SRSF12: variants seen among roughly 807,000 people sequenced by gnomAD.
The protein encoded by SRSF12 is serine/arginine-rich splicing factor 12.
Under a neutral mutation model 34.1 loss-of-function variants are expected in SRSF12, and 21 were observed. The observed-to-expected ratio is 0.62, with a 90% CI of 0.44 to 0.89. The LOEUF (loss-of-function observed/expected upper bound fraction) is 0.89, where lower values mean the gene tolerates loss of function less well. Among genes scored for constraint, SRSF12 ranks in the 40% least tolerant of loss-of-function variants. The pLI, the probability that SRSF12 is intolerant of heterozygous loss-of-function variation, is 0.00. For missense variants in SRSF12, 278 were observed against 327.8 expected (o/e 0.85, Z 1.17); for synonymous variants, 111 against 110.8 (o/e 1.00, Z -0.01).
At chr6:89,108,675 A>T (rs928197284) in intron 1 of SRSF12, among the ~76,000 whole-genome samples, 1 of 152,224 alleles carries the variant, frequency 6.6e-6, no homozygotes, top group African/African-American at 2.4e-5. Context: ...AGCTAGATCA[A>T]GGAGGAAGAA....
chr6:89,115,528 G>C (rs11961427), intron 1 of SRSF12, among the ~76,000 whole-genome samples: 9,548 of 150,380 alleles, frequency 0.063, 873 homozygotes, highest in African/African-American at 0.2. Context: ...GTGATCCGCC[G>C]AACTCGGTCT....
At chr6:89,108,823 A>G (rs1434626467) in intron 1 of SRSF12, among the ~76,000 whole-genome samples, 3 of 152,224 alleles carry the variant, frequency 2.0e-5, no homozygotes, top group Non-Finnish European at 4.4e-5. Flanking sequence ...TAATTATTAG[A>G]AGCCAGTGAC....
At chr6:89,117,756 T>C in intron 1 of SRSF12, 67 bp downstream of exon 1, 1 of 1,466,292 alleles carries the variant, frequency 6.8e-7, no homozygotes, top group South Asian at 1.3e-5. Context: ...GCCTCGGCCG[T>C]GCTCCGCGGC....
intron 1 of SRSF12, among the ~76,000 whole-genome samples, chr6:89,112,211 C>T (rs927312035): frequency 3.3e-5 from 5 of 152,072 alleles, no homozygotes; most frequent in South Asian, 4.2e-4. Context: ...CCACCTCTCC[C>T]GGCCTAAAAC....
chr6:89,109,936 A>G (rs1768966681), intron 1 of SRSF12, among the ~76,000 whole-genome samples: 1 of 152,054 alleles, frequency 6.6e-6, no homozygotes. Flanking sequence ...CTAAAAATAC[A>G]AAAAATTAAC....
In SRSF12 at chr6:89,097,002, A is replaced by G. The variant is rs1006037364; in HGVS notation, c.*1576T>C. The G allele has an allele frequency of 1.3e-5, 2 of 152,232 alleles. No homozygotes were observed. The highest frequency in any genetic ancestry group is 2.9e-5 in the Non-Finnish European group (2 of 68,040). 9.4% of individuals were successfully genotyped at this position (152,232 alleles called of 1,614,324 possible). A position where few individuals can be genotyped will look rare whatever the true frequency, so the allele number is the denominator to read the frequency against. Reference sequence around the variant, plus strand: ...GAAATAAATTTTGCTATGATTAGAGAAAATCTATTCAGAAAGTACAATATA... The same window carrying G: ...GAAATAAATTTTGCTATGATTAGAGGAAATCTATTCAGAAAGTACAATATA... On this transcript the variant is annotated 3_prime_UTR_variant, in exon 5 of 5. Transcript: ENST00000452027.
Position 89,101,681 on chromosome 6 carries a change from G to C in SRSF12, c.417-2734C>G, listed in dbSNP as rs564421890. 8.0e-5 allele frequency among the ~76,000 whole-genome samples: 12 copies of C among 149,574 alleles called. No homozygotes were observed. The South Asian group carries it at 2.6e-3, about 33-fold the overall frequency. On this transcript the variant is annotated intron_variant, in intron 4 of 4. Transcript: ENST00000452027. ...CCACTGCACTCCAGCCCAGGTGACA[G>C]AGTGAGACTCTGTCTCAAAAAAAAA...
At chr6:89,109,725 C>G (rs896257750) in intron 1 of SRSF12, among the ~76,000 whole-genome samples, 4 of 152,200 alleles carry the variant, frequency 2.6e-5, no homozygotes, top group African/African-American at 9.6e-5. Flanking sequence ...TTTATTTTTG[C>G]ACTTTTGGTA....
intron 3 of SRSF12, 78 bp from the exon 4 acceptor site, chr6:89,105,338 T>A: frequency 6.4e-7 from 1 of 1,560,484 alleles, no homozygotes; most frequent in South Asian, 1.2e-5. Context: ...CTAGCAATCA[T>A]TTACTGAAAG....
chr6:89,105,329 T>C, intron 3 of SRSF12, 69 bp from the exon 4 acceptor site: 1 of 1,564,204 alleles, frequency 6.4e-7, no homozygotes. Flanking sequence ...ACCACTCAAC[T>C]AGCAATCATT....
At position 89,095,996 on chromosome 6, in the gene SRSF12, T is replaced by C. The variant is rs2127988135; in HGVS notation, c.*2582A>G. On this transcript the variant is annotated 3_prime_UTR_variant, in exon 5 of 5. Coordinates refer to ENST00000452027, the MANE Select transcript of SRSF12 (RefSeq NM_080743.5). ...GTTTGATTTATTAATAAACAAAGTA[T>C]CTCTCTTAAATGGGCCAAGAAACAA... 1 of 152,270 alleles carries C rather than the reference T, an allele frequency of 6.6e-6. No homozygotes were observed. The highest frequency in any genetic ancestry group is 1.9e-4 in the East Asian group (1 of 5,180). The allele number at this position is 152,270 out of a possible 1,614,324, so 9.4% of individuals were successfully genotyped here.
intron 2 of SRSF12, chr6:89,106,931 T>G (rs1310016584): frequency 3.5e-6 from 2 of 569,272 alleles, no homozygotes; most frequent in South Asian, 1.5e-5. Context: ...TTTAGGTGCC[T>G]TTTGTCTCGC....
At chr6:89,114,458 A>G (rs1769197025) in intron 1 of SRSF12, among the ~76,000 whole-genome samples, 1 of 152,152 alleles carries the variant, frequency 6.6e-6, no homozygotes, top group South Asian at 2.1e-4. Context: ...AAAAACCACC[A>G]TACATTATAG....
chr6:89,113,482 T>C (rs1317043238), intron 1 of SRSF12, among the ~76,000 whole-genome samples: 8 of 152,162 alleles, frequency 5.3e-5, no homozygotes, highest in African/African-American at 1.9e-4. Context: ...CAATTTTTTC[T>C]ATTATTAGTA....
chr6:89,100,090 G>A (rs1352578256), intron 4 of SRSF12, among the ~76,000 whole-genome samples: 1 of 152,160 alleles, frequency 6.6e-6, no homozygotes, highest in African/African-American at 2.4e-5. Flanking sequence ...CTAGAGAAGA[G>A]TGAATTAGAG....
At chr6:89,104,822 G>A (rs1467286480) in intron 4 of SRSF12, among the ~76,000 whole-genome samples, 1 of 152,116 alleles carries the variant, frequency 6.6e-6, no homozygotes, top group African/African-American at 2.4e-5. Flanking sequence ...GGAGCCTGAG[G>A]TGGGAGGAAC....
rs369029047 is a variant in SRSF12, at chr6:89,117,754, C to A, written c.65+69G>T. On this transcript the variant is annotated intron_variant, in intron 1 of 4. Coordinates refer to ENST00000452027, the MANE Select transcript of SRSF12 (RefSeq NM_080743.5). The stretch of plus-strand genomic sequence containing the variant: ...CCCCGAGCCTCCGCCGGGCCTCGGC[C>A]GTGCTCCGCGGCGCGGCTGTTACCC... 1.3e-3 allele frequency: 1,853 copies of A among 1,460,482 alleles called. 46 individuals are homozygous for A. In the East Asian group the frequency reaches 0.049, roughly 39 times the overall value. 90.5% of individuals were successfully genotyped at this position (1,460,482 alleles called of 1,614,324 possible). A position where few individuals can be genotyped will look rare whatever the true frequency, so the allele number is the denominator to read the frequency against.
chr6:89,115,025 T>TGCC (rs1769227603), intron 1 of SRSF12, among the ~76,000 whole-genome samples: 1 of 152,140 alleles, frequency 6.6e-6, no homozygotes, highest in Non-Finnish European at 1.5e-5. Flanking sequence ...CTCAAACTCC[T>TGCC]AATTTCGTGA....
Position 89,105,235 on chromosome 6 carries a change from T to G in SRSF12, c.300A>C (p.Glu100Asp). 6.2e-7 allele frequency: 1 copy of G among 1,611,132 alleles called. No homozygotes were observed. The highest frequency in any genetic ancestry group is 8.5e-7 in the Non-Finnish European group (1 of 1,177,816). The change falls in exon 4 of 5, where the codon GAA becomes GAC. Residue 100 changes from glutamate (E) to aspartate (D), a missense_variant. Physicochemically the swap from Glu to Asp is conservative, Grantham distance 45. Transcript: ENST00000452027. ...RKTPGQMKSKERHPCSPSDHR... is the reference protein window; with the variant it reads ...RKTPGQMKSKDRHPCSPSDHR... ...GATCACTTGGAGAACAAGGATGACG[T>G]TCTTTTGATTTCATTTGGCCTGGTG...
Sources: allele counts gnomAD v4.1 joint callset (sites outside exome capture counted in the v4.1 genomes callset), GRCh38; gene constraint gnomAD v4.1.1; transcripts MANE v1.5; gene names NCBI Gene and HGNC (gene_info 2026-07-23, HGNC 2026-07-21).